The following STRC variants were observed in gnomAD, a reference collection of about 807,000 sequenced individuals.
The protein encoded by STRC is stereocilin.
Under a neutral mutation model 103.5 loss-of-function variants are expected in STRC, and 43 were observed. That is an observed-to-expected ratio of 0.42 (90% CI 0.33 to 0.54). The LOEUF is 0.54. Among genes scored for constraint, STRC ranks in the 20% least tolerant of loss-of-function variants. The pLI, the probability that STRC is intolerant of heterozygous loss-of-function variation, is 0.14. For synonymous variants in STRC, 186 were observed against 442.3 expected, an observed-to-expected ratio of 0.42 and a Z score of 7.27; for missense variants, 499 against 1,088.5, an observed-to-expected ratio of 0.46 and a Z score of 7.62.
chr15:43,604,408 G>T lies in STRC; in HGVS notation c.4171C>A (p.Arg1391Ser). ...TCAGTAGACAGAGTGAATACTAGGC[G>T]TCCAGCTTGCTCTACTTCATCCTGG... ...WSQDEVEQAGRLVFTLSTEAI... is the reference protein window; with the variant it reads ...WSQDEVEQAGSLVFTLSTEAI... Residue 1391 changes from arginine (R) to serine (S), a missense_variant, in exon 21 of 29, where the codon CGC (arginine) becomes AGC (serine). Transcript: ENST00000450892. 4 of 1,587,166 alleles carry T rather than the reference G, an allele frequency of 2.5e-6. No individual in the cohort carries two copies. The highest frequency in any genetic ancestry group is 1.7e-6 in the Non-Finnish European group (2 of 1,163,444).
At chr15:43,600,746 G>T in intron 25 of STRC, 64 bp from the exon 26 acceptor site, 5 of 1,612,710 alleles carry the variant, frequency 3.1e-6, no homozygotes, top group Non-Finnish European at 4.2e-6. Context: ...GTGGTCATGA[G>T]ACAAAGGAAG....
rs77493867 is a variant in STRC, at chr15:43,601,475, C to T, written c.4622G>A (p.Arg1541Gln). 7.2e-5 allele frequency: 116 copies of T among 1,613,722 alleles called. 1 individual carries two copies. The East Asian group carries it at 1.9e-3, about 27-fold the overall frequency. ...LGRLLIGLGDRELQELILVDW... is the reference protein window; with the variant it reads ...LGRLLIGLGDQELQELILVDW... The stretch of plus-strand genomic sequence containing the variant: ...CACTAGGATCAGCTCCTGTAGTTCC[C>T]GATCTCCTAGACCTATTAAGAGCCT... Residue 1541 changes from arginine to glutamine, a missense_variant, in exon 24 of 29, where the codon CGG (arginine) becomes CAG (glutamine). By Grantham distance (43) the Arg-to-Gln change is conservative. Coordinates refer to ENST00000450892, the MANE Select transcript of STRC (RefSeq NM_153700.2).
chr15:43,609,224 C>A (rs1445476918), intron 16 of STRC, 52 bp downstream of exon 16: 1 of 1,574,768 alleles, frequency 6.4e-7, no homozygotes, highest in Non-Finnish European at 8.7e-7. Flanking sequence ...ATAGTAAGCA[C>A]TCAAAAAAAT....
intron 26 of STRC, 61 bp from the exon 27 acceptor site, chr15:43,600,354 A>G (rs1178401263): frequency 1.0e-5 from 8 of 803,990 alleles, no homozygotes; most frequent in Non-Finnish European, 1.7e-5. Context: ...CTTCAAACCT[A>G]TAGACCTTCT....
intron 19 of STRC, 130 bp downstream of exon 19, chr15:43,605,134 T>C: frequency 2.6e-6 from 4 of 1,540,706 alleles, no homozygotes; most frequent in Non-Finnish European, 3.5e-6. Flanking sequence ...GGGCCAGGCC[T>C]TGTAGACAGG....
intron 23 of STRC, among the ~76,000 whole-genome samples, chr15:43,601,895 G>C (rs141961075): frequency 0.012 from 1,866 of 151,812 alleles, 39 homozygotes; most frequent in African/African-American, 0.041. Context: ...TGAGGTGGGA[G>C]GATTGCTTGA....
At position 43,608,840 on chromosome 15, in the gene STRC, C is replaced by T. The variant is rs1044908609; in HGVS notation, c.3557+436G>A. ...GCTTGGCCAGTGCCTCTGAAGTCATCCTGAAGTAAACTAACAGTAGCAAAT... is the reference window on the plus strand; with the variant it reads ...GCTTGGCCAGTGCCTCTGAAGTCATTCTGAAGTAAACTAACAGTAGCAAAT... On this transcript the variant is annotated intron_variant, in intron 16 of 28. Transcript: ENST00000450892. Among the ~76,000 whole-genome samples the T allele has an allele frequency of 1.7e-4, 25 of 150,744 alleles. 1 individual carries two copies. The highest frequency in any genetic ancestry group is 3.1e-4 in the Non-Finnish European group (21 of 67,952).
chr15:43,607,536 CA>C (rs1336182942), intron 18 of STRC, among the ~76,000 whole-genome samples: 1 of 148,322 alleles, frequency 6.7e-6, no homozygotes, highest in Non-Finnish European at 1.5e-5. Context: ...GAGCAAACTA[CA>C]ATCCTCTGGG....
At chr15:43,600,773 G>T in intron 25 of STRC, 91 bp from the exon 26 acceptor site, 1 of 1,612,594 alleles carries the variant, frequency 6.2e-7, no homozygotes, top group African/African-American at 1.3e-5. Context: ...CTTCAAATGA[G>T]TTCCCTTCCT....
chr15:43,606,701 G>A (rs1196456251), intron 18 of STRC, among the ~76,000 whole-genome samples: 7 of 122,706 alleles, frequency 5.7e-5, no homozygotes, highest in Non-Finnish European at 1.2e-4. Flanking sequence ...CTGGAACTGG[G>A]CTAAGTCATA....
intron 23 of STRC, 28 bp downstream of exon 23, chr15:43,603,214 C>G (rs1375014738): frequency 6.2e-7 from 1 of 1,611,726 alleles, no homozygotes; most frequent in East Asian, 2.2e-5. Flanking sequence ...TCCTCATGGC[C>G]AACCCCAGTT....
chr15:43,603,787 G>T (rs1595958709), intron 22 of STRC, among the ~76,000 whole-genome samples: 1 of 151,944 alleles, frequency 6.6e-6, no homozygotes, highest in East Asian at 1.9e-4. Flanking sequence ...CAGGAAAATG[G>T]AAGTTCTGGG....
At position 43,601,527 on chromosome 15, in the gene STRC, G is replaced by A. The variant is rs147990592; in HGVS notation, c.4570C>T (p.Arg1524Cys). ...CCAAGCTGCAGGATCTGCTCAGGAC[G>A]AAATCCCCGGGGGGGACCCCACAAC... ...KQLWGPPRGF[R>C]PEQILQLGRL... is the part of the protein sequence containing the mutation. Residue 1524 changes from arginine (R) to cysteine (C), a missense_variant, in exon 24 of 29, where the codon CGT becomes TGT. Physicochemically the swap from Arg to Cys is radical, Grantham distance 180. Coordinates refer to ENST00000450892, the MANE Select transcript of STRC (RefSeq NM_153700.2). 3 of 1,613,854 alleles carry A rather than the reference G, an allele frequency of 1.9e-6. No individual in the cohort carries two copies. The highest frequency in any genetic ancestry group is 1.3e-5 in the African/African-American group (1 of 74,982).
chr15:43,608,526 G>T (rs2085726987), intron 16 of STRC, among the ~76,000 whole-genome samples: 1 of 140,002 alleles, frequency 7.1e-6, no homozygotes, highest in Non-Finnish European at 1.6e-5. Flanking sequence ...AGGAGTTTGA[G>T]ACCAGCCTGG....
intron 22 of STRC, 193 bp from the exon 23 acceptor site, chr15:43,603,604 GA>G (rs1051890096): frequency 8.6e-6 from 6 of 696,932 alleles, no homozygotes; most frequent in African/African-American, 5.3e-5. Flanking sequence ...GAGATGCCAA[GA>G]CTTTTATAGA....
At chr15:43,608,012 G>C (rs758260634) in intron 17 of STRC, 37 bp from the exon 18 acceptor site, 2 of 1,611,082 alleles carry the variant, frequency 1.2e-6, no homozygotes, top group Non-Finnish European at 1.7e-6. Context: ...GCAGAACATA[G>C]GAGCTGGGTT....
chr15:43,603,214 C>T (rs1375014738), intron 23 of STRC, 28 bp downstream of exon 23: 14 of 1,611,608 alleles, frequency 8.7e-6, no homozygotes, highest in Non-Finnish European at 1.2e-5. Flanking sequence ...TCCTCATGGC[C>T]AACCCCAGTT....
At chr15:43,602,793 C>A in intron 23 of STRC, 1 of 228,966 alleles carries the variant, frequency 4.4e-6, no homozygotes, top group South Asian at 6.0e-5. Flanking sequence ...AACAAGTGTG[C>A]ACCACCATGC....
intron 16 of STRC, among the ~76,000 whole-genome samples, chr15:43,608,890 C>A (rs1485706461): frequency 6.6e-6 from 1 of 150,854 alleles, no homozygotes; most frequent in Non-Finnish European, 1.5e-5. Flanking sequence ...TACAATGGAC[C>A]AAACACTGTG....
Sources: allele counts gnomAD v4.1 joint callset (sites outside exome capture counted in the v4.1 genomes callset), GRCh38; gene constraint gnomAD v4.1.1; transcripts MANE v1.5; gene names NCBI Gene and HGNC (gene_info 2026-07-23, HGNC 2026-07-21).